MYH15: variants seen among roughly 807,000 people sequenced by gnomAD.
MYH15 encodes myosin-15.
Under a neutral mutation model 240.5 loss-of-function variants are expected in MYH15, and 227 were observed. The observed-to-expected ratio is 0.94, with a 90% CI of 0.85 to 1.05. MYH15 has a LOEUF of 1.05. MYH15 is among the 50% of genes least tolerant of loss of function. The pLI, the probability that MYH15 is intolerant of heterozygous loss-of-function variation, is 0.00. For missense variants in MYH15, 2,217 were observed against 2,247.5 expected, an observed-to-expected ratio of 0.99 and a Z score of 0.27; for synonymous variants, 785 against 796.7, an observed-to-expected ratio of 0.99 and a Z score of 0.25.
chr3:108,509,440 G>A (rs76252316), intron 1 of MYH15, among the ~76,000 whole-genome samples: 4,828 of 152,046 alleles, frequency 0.032, 116 homozygotes, highest in Non-Finnish European at 0.054. Context: ...TTCTGTTATC[G>A]TATTTGATTT....
chr3:108,439,427 G>A (rs1332603014), intron 24 of MYH15, among the ~76,000 whole-genome samples: 1 of 152,180 alleles, frequency 6.6e-6, no homozygotes, highest in East Asian at 1.9e-4. Flanking sequence ...ACCAGGTTCT[G>A]TGGGAGATAT....
Position 108,405,359 on chromosome 3 carries a change from T to C in MYH15, c.4715A>G (p.Asp1572Gly). Residue 1572 changes from aspartate (D) to glycine (G), a missense_variant, in exon 33 of 41, where the codon GAT becomes GGT. By Grantham distance (94) the Asp-to-Gly change is moderately conservative. Coordinates refer to ENST00000693548, the MANE Select transcript of MYH15 (RefSeq NM_014981.3). ...ATACCTAAAATTTTCTATTTCTTCATCTTTCTCTGAAAGCTTTCTTTCAAG... is the reference window on the plus strand; with the variant it reads ...ATACCTAAAATTTTCTATTTCTTCACCTTTCTCTGAAAGCTTTCTTTCAAG... ...AELERKLSEK[D>G]EEIENFRRKQ... The C allele has an allele frequency of 6.6e-7, 1 of 1,506,888 alleles. No individual in the cohort carries two copies. Among genetic ancestry groups the C allele is most frequent in the Non-Finnish European group, 9.0e-7 (1 of 1,112,278 alleles). The allele number at this position is 1,506,888 out of a possible 1,614,324, so 93.3% of individuals were successfully genotyped here.
intron 2 of MYH15, among the ~76,000 whole-genome samples, chr3:108,502,138 C>T (rs1001174725): frequency 2.6e-5 from 4 of 152,166 alleles, no homozygotes; most frequent in Non-Finnish European, 4.4e-5. Context: ...CCCTGATTCC[C>T]TCTAAGAGTA....
intron 12 of MYH15, among the ~76,000 whole-genome samples, chr3:108,472,295 TTC>T (rs2083184504): frequency 6.6e-6 from 1 of 152,210 alleles, no homozygotes; most frequent in Admixed American, 6.5e-5. Flanking sequence ...TAGCTGGCCA[TTC>T]TCCAAGCCTG....
At chr3:108,464,491 C>T (rs2083096913) in intron 15 of MYH15, 147 bp downstream of exon 15, 2 of 830,126 alleles carry the variant, frequency 2.4e-6, no homozygotes, top group East Asian at 2.6e-5. Context: ...TAAAAGGCTA[C>T]ACTACCTTTT....
intron 25 of MYH15, 45 bp downstream of exon 25, chr3:108,437,509 A>C: frequency 6.3e-7 from 1 of 1,585,858 alleles, no homozygotes; most frequent in Non-Finnish European, 8.6e-7. Flanking sequence ...GTTCCTTCTA[A>C]TATAAGGTCT....
intron 23 of MYH15, among the ~76,000 whole-genome samples, chr3:108,440,344 C>T (rs886273316): frequency 6.6e-6 from 1 of 152,022 alleles, no homozygotes; most frequent in Non-Finnish European, 1.5e-5. Context: ...AAGAAAGGTT[C>T]CAGCTGATAA....
chr3:108,453,115 C>G (rs537373102), intron 21 of MYH15, among the ~76,000 whole-genome samples: 1 of 152,136 alleles, frequency 6.6e-6, no homozygotes, highest in African/African-American at 2.4e-5. Flanking sequence ...AAAGGCTTCA[C>G]TTTAGACATG....
At chr3:108,543,945 A>C in the MYH15 span, 3 of 112,752 alleles carry the variant, frequency 2.7e-5, no homozygotes, top group African/African-American at 8.7e-5. Flanking sequence ...TAAATTCCCA[A>C]GCTAGTTCAC....
intron 27 of MYH15, among the ~76,000 whole-genome samples, chr3:108,425,917 T>C (rs928646065): frequency 5.3e-5 from 8 of 152,124 alleles, no homozygotes; most frequent in African/African-American, 1.7e-4. Context: ...GAATATCCTA[T>C]TGGAAACTGG....
upstream of MYH15, chr3:108,510,730 C>T: frequency 1.2e-6 from 1 of 802,190 alleles, no homozygotes; most frequent in Non-Finnish European, 1.9e-6. Flanking sequence ...TTCGCTATGT[C>T]TCAAATTTAT....
In MYH15 at chr3:108,398,707, T is replaced by C. The variant is rs1384658269; in HGVS notation, c.5063A>G (p.Glu1688Gly). ...TTCTTCTGACAGCCTGCGGCCACGC[T>C]CTGTCTGCTCTTGCAGGGACCTTAG... is the stretch of plus-strand genomic sequence containing the variant. ...EDLRSLQEQTERGRRLSEEEL... is the reference protein window; with the variant it reads ...EDLRSLQEQTGRGRRLSEEEL... The change falls in exon 35 of 41, where the codon GAG becomes GGG. Residue 1688 changes from glutamate (E) to glycine (G), a missense_variant. Physicochemically the swap from Glu to Gly is moderately conservative, Grantham distance 98. Coordinates refer to ENST00000693548, the MANE Select transcript of MYH15 (RefSeq NM_014981.3). 1.2e-6 allele frequency: 2 copies of C among 1,614,180 alleles called. No individual in the cohort carries two copies. Among genetic ancestry groups the C allele is most frequent in the Non-Finnish European group, 1.7e-6 (2 of 1,180,044 alleles).
intron 27 of MYH15, among the ~76,000 whole-genome samples, chr3:108,426,814 G>A (rs1355248955): frequency 1.4e-5 from 2 of 145,896 alleles, no homozygotes; most frequent in East Asian, 3.9e-4. Context: ...GCTCCTGCCA[G>A]GGGGGGGCAG....
chr3:108,403,266 T>G (rs958942611), intron 33 of MYH15, among the ~76,000 whole-genome samples: 3 of 152,218 alleles, frequency 2.0e-5, no homozygotes, highest in African/African-American at 7.2e-5. Flanking sequence ...TTACCCAGTT[T>G]GCTGTACTAT....
intron 12 of MYH15, among the ~76,000 whole-genome samples, chr3:108,475,899 C>G (rs1250829830): frequency 6.6e-6 from 1 of 152,184 alleles, no homozygotes; most frequent in African/African-American, 2.4e-5. Flanking sequence ...TAAACAAAAT[C>G]TGCATGGCGT....
chr3:108,427,617 AAC>A (rs150751928), intron 27 of MYH15, among the ~76,000 whole-genome samples: 8 of 122,968 alleles, frequency 6.5e-5, no homozygotes, highest in East Asian at 3.3e-4. Flanking sequence ...ACACACACAC[AAC>A]ACACACACAC....
At chr3:108,415,588 G>A (rs1206302735) in intron 29 of MYH15, among the ~76,000 whole-genome samples, 4 of 152,116 alleles carry the variant, frequency 2.6e-5, no homozygotes, top group Non-Finnish European at 5.9e-5. Context: ...AAAATACACA[G>A]GCAAATACAT....
At chr3:108,399,791 A>G (rs896853092) in intron 33 of MYH15, among the ~76,000 whole-genome samples, 3 of 152,238 alleles carry the variant, frequency 2.0e-5, no homozygotes, top group African/African-American at 7.2e-5. Context: ...TAAAATGGTT[A>G]TCTTTCTCTA....
At chr3:108,457,313 A>G (rs1476105482) in intron 18 of MYH15, among the ~76,000 whole-genome samples, 1 of 152,200 alleles carries the variant, frequency 6.6e-6, no homozygotes, top group Admixed American at 6.5e-5. Context: ...AAGGAAGAAT[A>G]AAAGGAAAGG....
Sources: allele counts gnomAD v4.1 joint callset (sites outside exome capture counted in the v4.1 genomes callset), GRCh38; gene constraint gnomAD v4.1.1; transcripts MANE v1.5; gene names NCBI Gene and HGNC (gene_info 2026-07-23, HGNC 2026-07-21).